NCAM2: variants seen among roughly 807,000 people sequenced by gnomAD.
NCAM2 encodes the protein neural cell adhesion molecule 2, also known as N-CAM-2.
NCAM2 carries 30 observed loss-of-function variants against 98.1 expected under a neutral mutation model. The observed-to-expected ratio is 0.31, with a 90% CI of 0.23 to 0.41. The LOEUF is 0.41. NCAM2 is among the 10% of genes least tolerant of loss of function. The probability of loss-of-function intolerance (pLI) is 1.00; values close to 1 mark genes in which losing one functional copy is unlikely to be tolerated. For missense variants in NCAM2, 867 were observed against 1,005.8 expected, an observed-to-expected ratio of 0.86 and a Z score of 1.87; for synonymous variants, 368 against 342.4, an observed-to-expected ratio of 1.07 and a Z score of -0.83.
At chr21:21,272,479 C>T (rs986423887) in intron 1 of NCAM2, among the ~76,000 whole-genome samples, 5 of 142,532 alleles carry the variant, frequency 3.5e-5, no homozygotes, top group Admixed American at 2.2e-4. Context: ...GAAAAAAACA[C>T]GCACACATAC....
At chr21:21,027,381 A>G (rs2064572664) in intron 1 of NCAM2, among the ~76,000 whole-genome samples, 1 of 152,232 alleles carries the variant, frequency 6.6e-6, no homozygotes, top group African/African-American at 2.4e-5. Context: ...ATAGAGATGA[A>G]TAAAACACTG....
At chr21:21,045,891 A>G (rs983915337) in intron 1 of NCAM2, among the ~76,000 whole-genome samples, 6 of 152,170 alleles carry the variant, frequency 3.9e-5, no homozygotes, top group African/African-American at 4.8e-5. Context: ...GACATATCTG[A>G]TAAACCAGCT....
At chr21:21,520,022 T>C (rs1328737129) in intron 16 of NCAM2, among the ~76,000 whole-genome samples, 2 of 152,118 alleles carry the variant, frequency 1.3e-5, no homozygotes, top group African/African-American at 2.4e-5. Flanking sequence ...TTGGTTCTTA[T>C]CAATTTAAAT....
chr21:21,005,994 C>T (rs2064106412), intron 1 of NCAM2, among the ~76,000 whole-genome samples: 2 of 152,194 alleles, frequency 1.3e-5, no homozygotes, highest in Middle Eastern at 3.4e-3. Context: ...CTGATTATAT[C>T]GTATTTTATA....
In NCAM2 at chr21:21,284,498, T is replaced by C. The variant is rs2073034916; in HGVS notation, c.337+98T>C. 4.5e-6 allele frequency: 4 copies of C among 887,864 alleles called. 1 individual carries two copies. In the South Asian group the frequency reaches 6.4e-5, roughly 14 times the overall value. 55.0% of individuals were successfully genotyped at this position (887,864 alleles called of 1,614,324 possible). ...TTGATAACACTTATTAAGAACTATGTGCTTTGAAAATAAATATCAGTTTAT... is the reference window on the plus strand; with the variant it reads ...TTGATAACACTTATTAAGAACTATGCGCTTTGAAAATAAATATCAGTTTAT... On this transcript the variant is annotated intron_variant, in intron 3 of 17. Coordinates refer to ENST00000400546, the MANE Select transcript of NCAM2 (RefSeq NM_004540.5).
chr21:21,540,631 T>A lies in NCAM2; in HGVS notation c.*2674T>A, dbSNP rs944978556. On this transcript the variant is annotated 3_prime_UTR_variant, in exon 18 of 18. Coordinates refer to ENST00000400546, the MANE Select transcript of NCAM2 (RefSeq NM_004540.5). Reference sequence around the variant, plus strand: ...AAACAAACATATACATATAACCATATAAATGTTATTTTTATTGTCTGAGAG... The same window carrying A: ...AAACAAACATATACATATAACCATAAAAATGTTATTTTTATTGTCTGAGAG... 1.3e-5 allele frequency: 2 copies of A among 152,102 alleles called. No homozygotes were observed. The highest frequency in any genetic ancestry group is 2.9e-5 in the Non-Finnish European group (2 of 67,988). The allele number at this position is 152,102 out of a possible 1,614,324, so 9.4% of individuals were successfully genotyped here.
At chr21:21,359,106 GTTTTTC>G (rs1480005015) in intron 8 of NCAM2, among the ~76,000 whole-genome samples, 1 of 151,848 alleles carries the variant, frequency 6.6e-6, no homozygotes, top group Non-Finnish European at 1.5e-5. Flanking sequence ...CTGTGTGTGT[GTTTTTC>G]TTTTTTCTTT....
intron 1 of NCAM2, among the ~76,000 whole-genome samples, chr21:21,000,232 A>G (rs1311307779): frequency 6.6e-6 from 1 of 152,228 alleles, no homozygotes; most frequent in Admixed American, 6.5e-5. Flanking sequence ...TTTGAGCACC[A>G]AGAAACAATC....
At chr21:21,291,426 C>T (rs955233623) in intron 4 of NCAM2, among the ~76,000 whole-genome samples, 4 of 151,850 alleles carry the variant, frequency 2.6e-5, no homozygotes, top group African/African-American at 7.2e-5. Flanking sequence ...GATTACTTTA[C>T]ACAATCAGTG....
rs184413275 is a variant in NCAM2 at position 21,420,068 on chromosome 21, G to A, written c.1480+1499G>A. Among the ~76,000 whole-genome samples, 577 of 152,074 alleles carry A rather than the reference G, an allele frequency of 3.8e-3. 3 individuals are homozygous for A. The highest frequency in any genetic ancestry group is 0.013 in the African/African-American group (556 of 41,506). On this transcript the variant is annotated intron_variant, in intron 11 of 17. Transcript: ENST00000400546. Reference sequence around the variant, plus strand: ...AATTAAATTATATTTCAAGTAAAGAGAGAATCCTGATGAAAAAATTAAAAA... The same window carrying A: ...AATTAAATTATATTTCAAGTAAAGAAAGAATCCTGATGAAAAAATTAAAAA...
intron 1 of NCAM2, among the ~76,000 whole-genome samples, chr21:21,204,120 A>G (rs1222553671): frequency 1.3e-5 from 2 of 152,136 alleles, no homozygotes; most frequent in Non-Finnish European, 2.9e-5. Context: ...CACATGATCC[A>G]TCTTCAATTT....
chr21:21,263,533 C>G (rs574779011), intron 1 of NCAM2, among the ~76,000 whole-genome samples: 102 of 152,046 alleles, frequency 6.7e-4, no homozygotes, highest in Middle Eastern at 3.4e-3. Context: ...ATGGACCACA[C>G]AAGAGCCAAA....
At chr21:21,020,125 C>T (rs2064399788) in intron 1 of NCAM2, among the ~76,000 whole-genome samples, 1 of 152,060 alleles carries the variant, frequency 6.6e-6, no homozygotes, top group African/African-American at 2.4e-5. Flanking sequence ...CTACCTCTGC[C>T]TCCGGGTTCA....
At chr21:21,194,441 A>G (rs1284294047) in intron 1 of NCAM2, among the ~76,000 whole-genome samples, 2 of 152,148 alleles carry the variant, frequency 1.3e-5, no homozygotes, top group Admixed American at 1.3e-4. Context: ...TATTTTATAA[A>G]GATGTGAAAA....
rs539312268 is a variant in NCAM2 at position 21,475,348 on chromosome 21, A to G, written c.1897-1943A>G. ...CACCTTCTCATTTTTCAAAGGCCTC[A>G]TGTCTTTCTTCTGGGCTGGTTTGCA... On this transcript the variant is annotated intron_variant, in intron 14 of 17. Transcript: ENST00000400546. 2.6e-5 allele frequency among the ~76,000 whole-genome samples: 4 copies of G among 152,140 alleles called. No homozygotes were observed. In the South Asian group the frequency reaches 6.2e-4, roughly 24 times the overall value.
At chr21:21,096,957 G>C (rs1479030975) in intron 1 of NCAM2, among the ~76,000 whole-genome samples, 1 of 151,762 alleles carries the variant, frequency 6.6e-6, no homozygotes, top group African/African-American at 2.4e-5. Flanking sequence ...AATGGAGACA[G>C]TGTCAACATC....
chr21:21,087,510 A>G (rs62207601), intron 1 of NCAM2, among the ~76,000 whole-genome samples: 5 of 152,128 alleles, frequency 3.3e-5, no homozygotes, highest in Non-Finnish European at 7.3e-5. Flanking sequence ...AAGGGGTCGC[A>G]ACAGCTTTTC....
chr21:21,441,358 A>G (rs1444888132), intron 12 of NCAM2, among the ~76,000 whole-genome samples: 2 of 152,210 alleles, frequency 1.3e-5, no homozygotes, highest in Non-Finnish European at 2.9e-5. Flanking sequence ...CATCACTTCA[A>G]AATGATGATT....
intron 1 of NCAM2, among the ~76,000 whole-genome samples, chr21:21,243,119 G>A (rs752808439): frequency 6.6e-6 from 1 of 152,202 alleles, no homozygotes; most frequent in East Asian, 1.9e-4. Context: ...AACCCATAGG[G>A]CAAAATACTT....
Sources: allele counts gnomAD v4.1 joint callset (sites outside exome capture counted in the v4.1 genomes callset), GRCh38; gene constraint gnomAD v4.1.1; transcripts MANE v1.5; gene names NCBI Gene and HGNC (gene_info 2026-07-23, HGNC 2026-07-21).